The following RIMS2 variants were observed in gnomAD, a reference collection of about 807,000 sequenced individuals.
RIMS2 encodes regulating synaptic membrane exocytosis protein 2.
RIMS2 carries 59 observed loss-of-function variants against 174.4 expected under a neutral mutation model. That is an observed-to-expected ratio of 0.34 (90% CI 0.27 to 0.42). RIMS2 has a LOEUF of 0.42. Ranked by LOEUF, RIMS2 falls within the 10% of genes least tolerant of loss-of-function variation. The pLI is 1.00. For synonymous variants in RIMS2, 606 were observed against 572.5 expected, an observed-to-expected ratio of 1.06 and a Z score of -0.84; for missense variants, 1,620 against 1,666.3, an observed-to-expected ratio of 0.97 and a Z score of 0.48.
intron 19 of RIMS2, among the ~76,000 whole-genome samples, chr8:104,016,251 G>A (rs193006016): frequency 6.8e-4 from 104 of 152,048 alleles, no homozygotes; most frequent in African/African-American, 2.5e-3. Context: ...TATTTAAAAA[G>A]GGAAAAGCTA....
At chr8:103,620,816 A>C (rs530215630) in intron 1 of RIMS2, among the ~76,000 whole-genome samples, 10 of 152,288 alleles carry the variant, frequency 6.6e-5, no homozygotes, top group African/African-American at 2.4e-4. Context: ...AAATAAGAAC[A>C]CCCTTTTCAA....
chr8:103,565,681 G>C (rs1332822856), intron 1 of RIMS2, among the ~76,000 whole-genome samples: 1 of 152,042 alleles, frequency 6.6e-6, no homozygotes, highest in Non-Finnish European at 1.5e-5. Flanking sequence ...TTTTACTGAA[G>C]GTGAAGGCCA....
intron 3 of RIMS2, among the ~76,000 whole-genome samples, chr8:103,779,096 T>C (rs1285620612): frequency 6.6e-6 from 1 of 152,202 alleles, no homozygotes; most frequent in Admixed American, 6.5e-5. Flanking sequence ...ATTGGATTAG[T>C]TGGTTTTTTG....
chr8:104,248,908 T>TCTCTCTCTCC, intron 21 of RIMS2, 95 bp downstream of exon 27: 1 of 637,876 alleles, frequency 1.6e-6, no homozygotes, highest in Non-Finnish European at 2.7e-6. Context: ...TCTCTCTCTC[T>TCTCTCTCTCC]CTCTTTCCCT....
At position 103,763,828 on chromosome 8, in the gene RIMS2, G is replaced by A. The variant is rs1041651543; in HGVS notation, c.388-2399G>A. ...CCACAGAAACAATACTACTTGTACA[G>A]TCAGCAGTTCACACTAAGGTAAACT... On this transcript the variant is annotated intron_variant, in intron 2 of 23. Transcript: ENST00000504942. Among the ~76,000 whole-genome samples the A allele has an allele frequency of 3.3e-5, 5 of 152,122 alleles. 1 individual carries two copies. The highest frequency in any genetic ancestry group is 1.2e-4 in the African/African-American group (5 of 41,436).
intron 1 of RIMS2, among the ~76,000 whole-genome samples, chr8:103,584,860 A>G (rs1435629871): frequency 6.6e-6 from 1 of 152,224 alleles, no homozygotes; most frequent in Non-Finnish European, 1.5e-5. Context: ...AAATTTAAAA[A>G]TGGCAGGAGT....
At chr8:104,180,669 T>G (rs1463910072) in intron 19 of RIMS2, among the ~76,000 whole-genome samples, 5 of 151,788 alleles carry the variant, frequency 3.3e-5, no homozygotes, top group African/African-American at 1.2e-4. Context: ...AAGCATAGAC[T>G]TTAATCTATG....
exon 3 of RIMS2, chr8:103,766,447 A>T (rs761148550): frequency 6.2e-7 from 1 of 1,613,750 alleles, no homozygotes; most frequent in South Asian, 1.1e-5. Context: ...GCAGTGGAGA[A>T]AAGTCGATCT....
At chr8:103,820,378 G>T (rs2098744491) in intron 3 of RIMS2, among the ~76,000 whole-genome samples, 1 of 151,988 alleles carries the variant, frequency 6.6e-6, no homozygotes, top group South Asian at 2.1e-4. Context: ...GTAAAAAAAA[G>T]ACCCCATTTA....
intron 19 of RIMS2, among the ~76,000 whole-genome samples, chr8:104,084,480 T>C (rs1279290019): frequency 1.4e-5 from 2 of 141,300 alleles, no homozygotes; most frequent in African/African-American, 2.7e-5. Flanking sequence ...GTTTCAAGAA[T>C]GAATAAACCT....
At chr8:104,126,836 C>G (rs2098435849) in intron 19 of RIMS2, among the ~76,000 whole-genome samples, 1 of 152,182 alleles carries the variant, frequency 6.6e-6, no homozygotes, top group South Asian at 2.1e-4. Context: ...TTTTATAAAG[C>G]TGCTTTGGTC....
rs567812814 is a variant in RIMS2 at position 103,764,059 on chromosome 8, C to A, written c.388-2168C>A. ...CTATTCAGTAAGTCTGGGGTGGGAC[C>A]TGGGAATCGGCACTTCTGGTGATAC... On this transcript the variant is annotated intron_variant, in intron 2 of 23. Coordinates refer to ENST00000504942, the Ensembl canonical transcript of RIMS2. Among the ~76,000 whole-genome samples the A allele has an allele frequency of 5.3e-5, 8 of 152,320 alleles. No individual in the cohort carries two copies. In the East Asian group the frequency reaches 1.5e-3, roughly 29 times the overall value.
intron 17 of RIMS2, among the ~76,000 whole-genome samples, chr8:103,991,146 T>C (rs2094669415): frequency 6.6e-6 from 1 of 151,702 alleles, no homozygotes; most frequent in African/African-American, 2.4e-5. Context: ...TTTTATTTTT[T>C]ATTTAAAAAA....
At chr8:103,918,321 T>C (rs2076983509) in intron 8 of RIMS2, 120 bp from the exon 12 acceptor site, 3 of 572,102 alleles carry the variant, frequency 5.2e-6, no homozygotes, top group East Asian at 5.6e-5. Flanking sequence ...AATGCCACTA[T>C]TATACACAGT....
intron 3 of RIMS2, among the ~76,000 whole-genome samples, chr8:103,872,782 A>G (rs1047950436): frequency 2.6e-5 from 4 of 152,196 alleles, no homozygotes; most frequent in South Asian, 2.1e-4. Flanking sequence ...ATAAACTTCT[A>G]TCTAAATCTT....
At chr8:103,877,059 C>T (rs2154515783) in intron 3 of RIMS2, among the ~76,000 whole-genome samples, 1 of 150,788 alleles carries the variant, frequency 6.6e-6, no homozygotes, top group South Asian at 2.1e-4. Context: ...ACTTCTTTTC[C>T]CTTGGGTAGA....
chr8:103,607,196 C>G (rs368600172), intron 1 of RIMS2, among the ~76,000 whole-genome samples: 36 of 151,846 alleles, frequency 2.4e-4, no homozygotes, highest in Middle Eastern at 6.8e-3. Flanking sequence ...GGGCAGGCCT[C>G]GTGGTGACAA....
intron 9 of RIMS2, chr8:103,920,990 T>A: frequency 4.2e-6 from 1 of 240,834 alleles, no homozygotes; most frequent in South Asian, 4.1e-5. Context: ...CAGAATGAGA[T>A]TCTGTCTCAA....
chr8:103,697,370 T>A, intron 2 of RIMS2, 74 bp downstream of exon 4: 1 of 1,094,708 alleles, frequency 9.1e-7, no homozygotes, highest in Non-Finnish European at 1.4e-6. Context: ...GAGAGTATGT[T>A]AATTCAACCC....
Sources: gnomAD v4.1 joint callset for allele counts (sites outside exome capture counted in the v4.1 genomes callset) on GRCh38, gnomAD v4.1.1 for gene constraint, MANE v1.5 for transcripts, NCBI Gene and HGNC (gene_info 2026-07-23, HGNC 2026-07-21) for gene names.